PCDH17: variants seen among roughly 807,000 people sequenced by gnomAD.
PCDH17 encodes protocadherin-17.
PCDH17 carries 21 observed loss-of-function variants against 67.7 expected under a neutral mutation model. The ratio of observed to expected loss-of-function variants is 0.31; its 90% CI spans 0.22 to 0.45. The LOEUF (loss-of-function observed/expected upper bound fraction) is 0.45. Among genes scored for constraint, PCDH17 ranks in the 20% least tolerant of loss-of-function variants. The probability of loss-of-function intolerance (pLI) is 1.00; values close to 1 mark genes in which losing one functional copy is unlikely to be tolerated. For missense variants in PCDH17, 1,471 were observed against 1,564.8 expected, an observed-to-expected ratio of 0.94 and a Z score of 1.01; for synonymous variants, 701 against 656.7, an observed-to-expected ratio of 1.07 and a Z score of -1.03.
At chr13:57,689,064 G>A (rs899622565) in intron 3 of PCDH17, among the ~76,000 whole-genome samples, 7 of 151,908 alleles carry the variant, frequency 4.6e-5, no homozygotes, top group Middle Eastern at 3.2e-3. Context: ...TTGTGCTTTC[G>A]CAAAATTTTA....
At chr13:57,664,718 C>G (rs894133082) in intron 1 of PCDH17, among the ~76,000 whole-genome samples, 1 of 152,064 alleles carries the variant, frequency 6.6e-6, no homozygotes, top group African/African-American at 2.4e-5. Context: ...TTTCAACTGA[C>G]AGCAATAATG....
intron 1 of PCDH17, among the ~76,000 whole-genome samples, chr13:57,649,113 G>A (rs1955005009): frequency 1.3e-5 from 2 of 152,074 alleles, no homozygotes; most frequent in African/African-American, 2.4e-5. Flanking sequence ...TTTATATAGT[G>A]ATGAGCCAGA....
chr13:57,723,927 G>T (rs1214384439), intron 3 of PCDH17, among the ~76,000 whole-genome samples: 1 of 152,120 alleles, frequency 6.6e-6, no homozygotes, highest in African/African-American at 2.4e-5. Flanking sequence ...TTGAGTAAAT[G>T]CATTTTCACC....
intron 3 of PCDH17, among the ~76,000 whole-genome samples, chr13:57,722,553 A>G (rs1955879781): frequency 6.6e-6 from 1 of 152,146 alleles, no homozygotes; most frequent in Non-Finnish European, 1.5e-5. Context: ...CATTTAGAGT[A>G]GGTAAAGGAA....
At chr13:57,689,931 T>TAAAATAAG (rs1955543019) in intron 3 of PCDH17, among the ~76,000 whole-genome samples, 1 of 151,854 alleles carries the variant, frequency 6.6e-6, no homozygotes, top group Admixed American at 6.6e-5. Flanking sequence ...AGATATGTCT[T>TAAAATAAG]AAAATAAGAT....
At chr13:57,635,674 A>G (rs1167955670) in intron 1 of PCDH17, among the ~76,000 whole-genome samples, 1 of 152,236 alleles carries the variant, frequency 6.6e-6, no homozygotes, top group Non-Finnish European at 1.5e-5. Context: ...AAGAACATGA[A>G]TCTCACTTAT....
At chr13:57,665,210 T>A (rs1322261121) in intron 1 of PCDH17, among the ~76,000 whole-genome samples, 1 of 152,120 alleles carries the variant, frequency 6.6e-6, no homozygotes, top group East Asian at 1.9e-4. Flanking sequence ...CAATGACACA[T>A]ATTACTTTAA....
At chr13:57,701,011 TATA>T (rs969937222) in intron 3 of PCDH17, among the ~76,000 whole-genome samples, 14 of 152,098 alleles carry the variant, frequency 9.2e-5, no homozygotes, top group Middle Eastern at 3.4e-3. Flanking sequence ...ACAATAATAA[TATA>T]ATAATAACAG....
intron 1 of PCDH17, among the ~76,000 whole-genome samples, chr13:57,658,404 G>A (rs942295323): frequency 7.2e-5 from 11 of 152,132 alleles, no homozygotes; most frequent in African/African-American, 1.7e-4. Flanking sequence ...CACTCTCCAC[G>A]TCCTGCTTTT....
intron 3 of PCDH17, among the ~76,000 whole-genome samples, chr13:57,704,358 G>A (rs981919557): frequency 6.6e-6 from 1 of 151,960 alleles, no homozygotes; most frequent in Non-Finnish European, 1.5e-5. Context: ...AGTCTAGTAG[G>A]CAGCAGAAAT....
At chr13:57,709,524 A>G (rs1244757683) in intron 3 of PCDH17, 1 of 151,876 alleles carries the variant, frequency 6.6e-6, no homozygotes, top group Non-Finnish European at 1.5e-5. Flanking sequence ...GGGAAATACC[A>G]ATGACCATAT....
intron 3 of PCDH17, among the ~76,000 whole-genome samples, chr13:57,707,334 CGTGTGTGTGTGT>C (rs56840875): frequency 1.1e-4 from 16 of 145,812 alleles, no homozygotes; most frequent in Non-Finnish European, 1.7e-4. Context: ...GATATATGAC[CGTGTGTGTGTGT>C]GTGTGTGTGT....
At chr13:57,680,140 A>G (rs1955434885) in intron 3 of PCDH17, among the ~76,000 whole-genome samples, 1 of 76,622 alleles carries the variant, frequency 1.3e-5, no homozygotes, top group Admixed American at 1.3e-4. Flanking sequence ...TTATATCTAC[A>G]TATATATATA....
intron 3 of PCDH17, among the ~76,000 whole-genome samples, chr13:57,699,450 TTCTC>T (rs1955642429): frequency 6.6e-6 from 1 of 152,084 alleles, no homozygotes; most frequent in Non-Finnish European, 1.5e-5. Flanking sequence ...CACATTACGT[TTCTC>T]TCTCTTGTTT....
chr13:57,691,628 A>G (rs1955560112), intron 3 of PCDH17, among the ~76,000 whole-genome samples: 1 of 151,384 alleles, frequency 6.6e-6, no homozygotes, highest in Non-Finnish European at 1.5e-5. Context: ...TAGATGTAGT[A>G]TGTGTACACA....
At chr13:57,683,687 G>A (rs73519471) in intron 3 of PCDH17, among the ~76,000 whole-genome samples, 2,641 of 151,902 alleles carry the variant, frequency 0.017, 70 homozygotes, top group African/African-American at 0.059. Flanking sequence ...CTCAGGTGAC[G>A]CTGGTAAATA....
intron 1 of PCDH17, among the ~76,000 whole-genome samples, chr13:57,645,294 A>T (rs139390980): frequency 1.8e-3 from 277 of 151,832 alleles, no homozygotes; most frequent in African/African-American, 6.5e-3. Context: ...TTGTCACTGT[A>T]GTTGAAATAA....
chr13:57,708,096 T>C (rs1955737803), intron 3 of PCDH17, among the ~76,000 whole-genome samples: 2 of 152,034 alleles, frequency 1.3e-5, no homozygotes, highest in Non-Finnish European at 2.9e-5. Context: ...TTGTGTACTT[T>C]ATGTGACTCT....
intron 3 of PCDH17, among the ~76,000 whole-genome samples, chr13:57,707,958 A>G (rs920279651): frequency 6.6e-6 from 1 of 151,986 alleles, no homozygotes; most frequent in African/African-American, 2.4e-5. Context: ...CTATTTCCAA[A>G]TAAGGTCATA....
Sources: allele counts gnomAD v4.1 joint callset (sites outside exome capture counted in the v4.1 genomes callset), GRCh38; gene constraint gnomAD v4.1.1; transcripts MANE v1.5; gene names NCBI Gene and HGNC (gene_info 2026-07-23, HGNC 2026-07-21).